Variants in LRRC8A observed in about 807,000 individuals in gnomAD.
The protein encoded by LRRC8A is leucine rich repeat containing 8 VRAC subunit A.
In LRRC8A, 24 loss-of-function variants were observed where a neutral mutation model predicts 52.5. The observed-to-expected ratio is 0.46, with a 90% CI of 0.33 to 0.64. The LOEUF is 0.64. LRRC8A is among the 30% of genes least tolerant of loss of function. LRRC8A has a pLI of 0.02. For synonymous variants in LRRC8A, 492 were observed against 494.2 expected (o/e 1.00, Z 0.06); for missense variants, 677 against 1,094.7 (o/e 0.62, Z 5.38).
At chr9:128,886,581 G>A (rs1013082212) in intron 2 of LRRC8A, among the ~76,000 whole-genome samples, 12 of 152,196 alleles carry the variant, frequency 7.9e-5, no homozygotes, top group Admixed American at 2.6e-4. Context: ...AGCTGATCAC[G>A]ATAAGGGAGC....
At chr9:128,890,130 T>TGTGTGTA (rs1839548910) in intron 2 of LRRC8A, among the ~76,000 whole-genome samples, 1 of 128,210 alleles carries the variant, frequency 7.8e-6, no homozygotes. Flanking sequence ...TGGCTTCATT[T>TGTGTGTA]TGTGTGTGTG....
chr9:128,903,412 CTTTTT>C (rs534139914), intron 2 of LRRC8A, among the ~76,000 whole-genome samples: 1 of 132,454 alleles, frequency 7.5e-6, no homozygotes. Context: ...AGGTGCTGTT[CTTTTT>C]TTTTTTTTTT....
Position 128,899,568 on chromosome 9 carries a change from C to T in LRRC8A, c.-8-7589C>T, listed in dbSNP as rs11793928. Among the ~76,000 whole-genome samples the T allele has an allele frequency of 6.6e-6, 1 of 152,182 alleles. No homozygotes were observed. The highest frequency in any genetic ancestry group is 1.9e-4 in the East Asian group (1 of 5,182). The stretch of plus-strand genomic sequence containing the variant: ...AAATGGACACCTTAAAAAAAAAAGC[C>T]TTAACAAAAGGACATTCTCATATGT... On this transcript the variant is annotated intron_variant, in intron 2 of 3. Coordinates refer to ENST00000372600, the MANE Select transcript of LRRC8A (RefSeq NM_019594.4). The surrounding 1 kb of genome is among the most constrained non-coding windows in gnomAD (Gnocchi z 4.0).
intron 2 of LRRC8A, among the ~76,000 whole-genome samples, chr9:128,886,378 T>C (rs894253178): frequency 2.0e-5 from 3 of 152,238 alleles, no homozygotes; most frequent in African/African-American, 7.2e-5. Flanking sequence ...CCAGATCTTA[T>C]CAGTCTGGGT....
In LRRC8A at chr9:128,907,463, A is replaced by G; in HGVS notation, c.299A>G (p.Asp100Gly). 6.2e-7 allele frequency: 1 copy of G among 1,613,902 alleles called. No homozygotes were observed. Among genetic ancestry groups the G allele is most frequent in the Non-Finnish European group, 8.5e-7 (1 of 1,180,008 alleles). Residue 100 changes from aspartate (D) to glycine (G), a missense_variant, in exon 3 of 4, where the codon GAC (aspartate) becomes GGC (glycine). Physicochemically the swap from Asp to Gly is moderately conservative, Grantham distance 94. Around this residue, in one of 4 missense-constraint regions of LRRC8A, gnomAD observed 54 missense variants for 49.7 expected, o/e 1.09. Coordinates refer to ENST00000372600, the MANE Select transcript of LRRC8A (RefSeq NM_019594.4). The surrounding 1 kb of genome is among the most constrained non-coding windows in gnomAD (Gnocchi z 9.3). ...PDTGPTGIKY[D>G]LDRHQYNYVD... ...ACGGGCCCCACAGGCATCAAGTATGACCTGGACCGGCACCAGTACAACTAC... is the reference window on the plus strand; with the variant it reads ...ACGGGCCCCACAGGCATCAAGTATGGCCTGGACCGGCACCAGTACAACTAC...
intron 2 of LRRC8A, among the ~76,000 whole-genome samples, chr9:128,893,469 G>C (rs1564520664): frequency 6.6e-6 from 1 of 152,132 alleles, no homozygotes; most frequent in Non-Finnish European, 1.5e-5. Flanking sequence ...TGCAGTTGAG[G>C]ACACAGAGGC....
chr9:128,884,498 T>C (rs1839312217), intron 1 of LRRC8A, among the ~76,000 whole-genome samples: 1 of 152,168 alleles, frequency 6.6e-6, no homozygotes, highest in Non-Finnish European at 1.5e-5. Context: ...AGCTGCAGTC[T>C]GGGAGGACAG....
chr9:128,908,941 C>G lies in LRRC8A; in HGVS notation c.1777C>G (p.Leu593Val). Residue 593 changes from leucine to valine, a missense_variant, in exon 3 of 4, where the codon CTG becomes GTG. Leu to Val is a conservative substitution (Grantham distance 32). Transcript: ENST00000372600. ...CAACAGCCTCAAGAAGATGGCGAAC[C>G]TGACTGAGCTGGAGCTGATCCGCTG... is the stretch of plus-strand genomic sequence containing the variant. Reference protein sequence around the residue: ...VLNSLKKMANLTELELIRCDL... With the variant: ...VLNSLKKMANVTELELIRCDL... 6.2e-7 allele frequency: 1 copy of G among 1,614,054 alleles called. No individual in the cohort carries two copies. Among genetic ancestry groups the G allele is most frequent in the South Asian group, 1.1e-5 (1 of 91,086 alleles).
In LRRC8A at chr9:128,908,253, C is replaced by T. The variant is rs1471643344; in HGVS notation, c.1089C>T (p.Ser363=). Residue 363 remains serine, a synonymous_variant, in exon 3 of 4, where the codon AGC becomes AGT. Transcript: ENST00000372600. The part of the protein sequence containing the change: ...FESIREESSY[S]DIPDVKNDFA... Reference sequence around the variant, plus strand: ...CGATCCGTGAGGAGAGCAGCTACAGCGACATCCCCGACGTCAAGAACGACT... The same window carrying T: ...CGATCCGTGAGGAGAGCAGCTACAGTGACATCCCCGACGTCAAGAACGACT... 2.5e-6 allele frequency: 4 copies of T among 1,614,000 alleles called. No homozygotes were observed. In the African/African-American group the frequency reaches 4.0e-5, roughly 16 times the overall value.
At chr9:128,890,193 C>T (rs1839558093) in intron 2 of LRRC8A, among the ~76,000 whole-genome samples, 1 of 134,546 alleles carries the variant, frequency 7.4e-6, no homozygotes, top group Non-Finnish European at 1.6e-5. Flanking sequence ...GGGGCTTAAC[C>T]TTCCCTCCTC....
chr9:128,915,385 G>T (rs1010841875), intron 3 of LRRC8A, among the ~76,000 whole-genome samples: 3 of 152,170 alleles, frequency 2.0e-5, no homozygotes, highest in Non-Finnish European at 4.4e-5. Context: ...GGAGTGCAGT[G>T]GCGCGATGTC....
Position 128,892,123 on chromosome 9 carries a change from C to A in LRRC8A, c.-9+6002C>A, listed in dbSNP as rs907132065. The stretch of plus-strand genomic sequence containing the variant: ...TACAGATGAGGAAACCAGAGCCCAG[C>A]GAGGTGAAGGGACTTTCTCACGGTC... On this transcript the variant is annotated intron_variant, in intron 2 of 3. Transcript: ENST00000372600. This position sits in a 1 kb window ranked among gnomAD's most constrained non-coding sequence, Gnocchi z 5.2. Among the ~76,000 whole-genome samples, 1 of 152,230 alleles carries A rather than the reference C, an allele frequency of 6.6e-6. No individual in the cohort carries two copies. Among genetic ancestry groups the A allele is most frequent in the Non-Finnish European group, 1.5e-5 (1 of 68,028 alleles).
At chr9:128,894,160 C>T (rs1187593627) in intron 2 of LRRC8A, among the ~76,000 whole-genome samples, 2 of 151,864 alleles carry the variant, frequency 1.3e-5, no homozygotes, top group African/African-American at 2.4e-5. Flanking sequence ...GGATTACAGG[C>T]GTGAGCCACC....
At position 128,899,672 on chromosome 9, in the gene LRRC8A, A is replaced by G. The variant is rs1445074295; in HGVS notation, c.-8-7485A>G. On this transcript the variant is annotated intron_variant, in intron 2 of 3. Coordinates refer to ENST00000372600, the MANE Select transcript of LRRC8A (RefSeq NM_019594.4). This position sits in a 1 kb window ranked among gnomAD's most constrained non-coding sequence, Gnocchi z 4.0. ...AAAAGGACAAATACCTTATGATTCC[A>G]CTTACATGAGGTCCCTAGAGAAGTC... is the stretch of plus-strand genomic sequence containing the variant. Among the ~76,000 whole-genome samples the G allele has an allele frequency of 6.6e-6, 1 of 152,150 alleles. No individual in the cohort carries two copies. The highest frequency in any genetic ancestry group is 1.5e-5 in the Non-Finnish European group (1 of 68,022).
intron 2 of LRRC8A, among the ~76,000 whole-genome samples, chr9:128,886,426 G>A (rs534154514): frequency 3.0e-4 from 45 of 152,292 alleles, no homozygotes; most frequent in African/African-American, 1.0e-3. Flanking sequence ...TTCCCAAAAA[G>A]CGTGGACCAC....
chr9:128,908,571 G>A lies in LRRC8A; in HGVS notation c.1407G>A (p.Thr469=), dbSNP rs751278959. ...TCCCGCCCAGCATTGCCCAGCTCACGGGCCTCAAGGAGCTGTGGCTCTACC... is the reference window on the plus strand; with the variant it reads ...TCCCGCCCAGCATTGCCCAGCTCACAGGCCTCAAGGAGCTGTGGCTCTACC... ...VTIPPSIAQL[T]GLKELWLYHT... Residue 469 remains threonine, a synonymous_variant, in exon 3 of 4, where the codon ACG becomes ACA. Transcript: ENST00000372600. 17 of 1,612,632 alleles carry A rather than the reference G, an allele frequency of 1.1e-5. No homozygotes were observed. The highest frequency in any genetic ancestry group is 5.3e-5 in the African/African-American group (4 of 74,902).
Position 128,916,167 on chromosome 9 carries a change from G to A in LRRC8A, c.2229G>A (p.Leu743=), listed in dbSNP as rs1351491527. 4.3e-6 allele frequency: 7 copies of A among 1,613,318 alleles called. No homozygotes were observed. The highest frequency in any genetic ancestry group is 1.7e-5 in the Admixed American group (1 of 60,022). Residue 743 remains leucine, a synonymous_variant, in exon 4 of 4, where the codon CTG becomes CTA. Transcript: ENST00000372600. This position sits in a 1 kb window ranked among gnomAD's most constrained non-coding sequence, Gnocchi z 6.1. The part of the protein sequence containing the change: ...LRALHLGNNV[L]QSLPSRVGEL... The stretch of plus-strand genomic sequence containing the variant: ...CCCTGCACCTGGGCAACAACGTGCT[G>A]CAGTCACTGCCCTCCAGGGTGGGCG...
chr9:128,914,177 G>A (rs913569200), intron 3 of LRRC8A, among the ~76,000 whole-genome samples: 1 of 151,966 alleles, frequency 6.6e-6, no homozygotes, highest in Non-Finnish European at 1.5e-5. Context: ...TGCACTCTCT[G>A]GGTGACAGAG....
rs1840855303 is a variant in LRRC8A, at chr9:128,917,078, G to C, written c.*707G>C. 1 of 141,960 alleles carries C rather than the reference G, an allele frequency of 7.0e-6. No individual in the cohort carries two copies. The highest frequency in any genetic ancestry group is 2.7e-5 in the African/African-American group (1 of 37,300). 8.8% of individuals were successfully genotyped at this position (141,960 alleles called of 1,614,324 possible). A position where few individuals can be genotyped will look rare whatever the true frequency, so the allele number is the denominator to read the frequency against. ...ACAATTTTTTTAAAAAAAAAGCTTTGAAAATGGATGGTTTGGGTATTAAAA... is the reference window on the plus strand; with the variant it reads ...ACAATTTTTTTAAAAAAAAAGCTTTCAAAATGGATGGTTTGGGTATTAAAA... On this transcript the variant is annotated 3_prime_UTR_variant, in exon 4 of 4. Coordinates refer to ENST00000372600, the MANE Select transcript of LRRC8A (RefSeq NM_019594.4).
Sources: gnomAD v4.1 joint callset for allele counts (sites outside exome capture counted in the v4.1 genomes callset) on GRCh38, gnomAD v4.1.1 for gene constraint, gnomAD v4.1.1 regional missense constraint, Gnocchi (gnomAD v3.1) non-coding constraint, MANE v1.5 for transcripts, NCBI Gene and HGNC (gene_info 2026-07-23, HGNC 2026-07-21) for gene names.